Variants in KAZN observed in about 807,000 individuals in gnomAD.
KAZN encodes kazrin.
A neutral mutation model predicts 87.4 loss-of-function variants in KAZN; 40 were observed. The observed-to-expected ratio is 0.46, with a 90% CI of 0.36 to 0.60. KAZN has a LOEUF of 0.60. Ranked by LOEUF, KAZN falls within the 20% of genes least tolerant of loss-of-function variation. The pLI, the probability that KAZN is intolerant of heterozygous loss-of-function variation, is 0.00. For synonymous variants in KAZN, 466 were observed against 458.3 expected, an observed-to-expected ratio of 1.02 and a Z score of -0.22; for missense variants, 898 against 1,073.9, an observed-to-expected ratio of 0.84 and a Z score of 2.29.
At chr1:13,904,263 G>A (rs1201574132) in intron 1 of KAZN, among the ~76,000 whole-genome samples, 1 of 152,158 alleles carries the variant, frequency 6.6e-6, no homozygotes, top group African/African-American at 2.4e-5. Context: ...TCTAAGACAG[G>A]TGAAAAGGAA....
At chr1:14,492,667 T>TC (rs1669717658) in intron 2 of KAZN, among the ~76,000 whole-genome samples, 2 of 604 alleles carry the variant, frequency 3.3e-3, no homozygotes, top group Non-Finnish European at 6.3e-3. Flanking sequence ...ACACCACAAA[T>TC]ACACACTACA....
rs138898981 is a variant in KAZN at position 14,278,778 on chromosome 1, T to C, written c.249+98186T>C. On this transcript the variant is annotated intron_variant, in intron 2 of 16. Coordinates refer to the KAZN transcript ENST00000636203. ...TTATTGTATATTTGCCATTTATTTA[T>C]TGGAGAAACTGATTCATTTACGGTA... 4.4e-3 allele frequency among the ~76,000 whole-genome samples: 677 copies of C among 152,320 alleles called. 3 individuals are homozygous for C. The highest frequency in any genetic ancestry group is 0.015 in the African/African-American group (635 of 41,560).
intron 2 of KAZN, among the ~76,000 whole-genome samples, chr1:14,268,031 T>C (rs1651630518): frequency 6.6e-6 from 1 of 152,206 alleles, no homozygotes; most frequent in Non-Finnish European, 1.5e-5. Context: ...TTAAATTGAA[T>C]TGGCCAACAA....
At chr1:14,508,417 C>G (rs1006804897) in intron 2 of KAZN, among the ~76,000 whole-genome samples, 1 of 152,074 alleles carries the variant, frequency 6.6e-6, no homozygotes, top group Non-Finnish European at 1.5e-5. Flanking sequence ...TTATTAGGCT[C>G]GCAGATTCTA....
In KAZN at chr1:15,103,435, A is replaced by G; in HGVS notation, c.1856A>G (p.Lys619Arg). ...GTGTGGACCAACCAGCGGGTGCTCA[A>G]GTGGGTTCGAGACATCGACCTGAAG... Reference protein sequence around the residue: ...PVVWTNQRVLKWVRDIDLKEY... With the variant: ...PVVWTNQRVLRWVRDIDLKEY... Residue 619 changes from lysine to arginine, a missense_variant, in exon 12 of 15, where the codon AAG becomes AGG. Around this residue, in one of 3 missense-constraint regions of KAZN, gnomAD observed 521 missense variants for 689.4 expected, o/e 0.76. Transcript: ENST00000376030. 2 of 1,551,012 alleles carry G rather than the reference A, an allele frequency of 1.3e-6. No homozygotes were observed. The highest frequency in any genetic ancestry group is 1.7e-6 in the Non-Finnish European group (2 of 1,147,434).
intron 1 of KAZN, among the ~76,000 whole-genome samples, chr1:14,883,328 G>A (rs1406233241): frequency 7.7e-5 from 3 of 38,884 alleles, no homozygotes; most frequent in African/African-American, 2.1e-4. Context: ...AAGAGAGAGA[G>A]AGAGAGAGAG....
At chr1:14,945,023 A>C (rs919739943) in intron 1 of KAZN, among the ~76,000 whole-genome samples, 3 of 152,162 alleles carry the variant, frequency 2.0e-5, no homozygotes, top group Non-Finnish European at 4.4e-5. Context: ...AGGGGACAGC[A>C]CCAGGCTGCA....
At chr1:14,617,750 T>C (rs1678367228) in intron 1 of KAZN, among the ~76,000 whole-genome samples, 1 of 152,052 alleles carries the variant, frequency 6.6e-6, no homozygotes, top group Non-Finnish European at 1.5e-5. Flanking sequence ...TTCTTGGGAG[T>C]GACAACACGA....
At chr1:13,935,862 A>ATG (rs143281844) in intron 1 of KAZN, among the ~76,000 whole-genome samples, 17,522 of 124,090 alleles carry the variant, frequency 0.14, 1,253 homozygotes, top group Non-Finnish European at 0.19. Flanking sequence ...TTACATCCTA[A>ATG]TGTGTGTGTG....
At chr1:14,421,421 A>T (rs1388229638) in intron 2 of KAZN, among the ~76,000 whole-genome samples, 2 of 152,164 alleles carry the variant, frequency 1.3e-5, no homozygotes, top group Admixed American at 6.5e-5. Context: ...GGACACGAGG[A>T]AAGCCACATT....
At position 14,735,405 on chromosome 1, in the gene KAZN, A is replaced by T. The variant is rs1195777428; in HGVS notation, c.226+136182A>T. 6.6e-6 allele frequency among the ~76,000 whole-genome samples: 1 copy of T among 152,202 alleles called. No individual in the cohort carries two copies. Among genetic ancestry groups the T allele is most frequent in the African/African-American group, 2.4e-5 (1 of 41,458 alleles). On this transcript the variant is annotated intron_variant, in intron 1 of 14. Coordinates refer to ENST00000376030, the MANE Select transcript of KAZN (RefSeq NM_201628.3). The surrounding 1 kb of genome is among the most constrained non-coding windows in gnomAD (Gnocchi z 4.3). ...CACGTTTATTCTTGAAGGGAACACA[A>T]AAGAGGTATAGGATCTCCTTCTTCT...
At chr1:14,833,969 T>TCACACACACACA (rs56000715) in intron 1 of KAZN, among the ~76,000 whole-genome samples, 4 of 141,866 alleles carry the variant, frequency 2.8e-5, no homozygotes, top group Admixed American at 7.0e-5. Flanking sequence ...CCCAAGTCAT[T>TCACACACACACA]CACACACACA....
chr1:14,629,035 CG>C (rs1212457633), intron 1 of KAZN, among the ~76,000 whole-genome samples: 1 of 151,854 alleles, frequency 6.6e-6, no homozygotes, highest in Non-Finnish European at 1.5e-5. Flanking sequence ...TTACTGGAGA[CG>C]GGGTTTCACC....
intron 2 of KAZN, among the ~76,000 whole-genome samples, chr1:14,466,763 T>A (rs1668163244): frequency 6.6e-6 from 1 of 151,530 alleles, no homozygotes; most frequent in Non-Finnish European, 1.5e-5. Flanking sequence ...AGTCAGGAGA[T>A]GGAGACCATC....
chr1:14,959,721 T>G (rs534489520), intron 1 of KAZN, among the ~76,000 whole-genome samples: 1 of 152,344 alleles, frequency 6.6e-6, no homozygotes, highest in South Asian at 2.1e-4. Flanking sequence ...CTGGCGCCTG[T>G]GCACAGCCTG....
At chr1:14,022,474 C>G (rs569857617) in intron 1 of KAZN, among the ~76,000 whole-genome samples, 1 of 98,758 alleles carries the variant, frequency 1.0e-5, no homozygotes, top group Admixed American at 1.6e-4. Flanking sequence ...ATAGCTTTCA[C>G]GTATTTAAAG....
chr1:14,579,620 G>A (rs963204223), intron 2 of KAZN, among the ~76,000 whole-genome samples: 3 of 148,180 alleles, frequency 2.0e-5, no homozygotes, highest in Admixed American at 6.8e-5. Flanking sequence ...GCGAGACTCC[G>A]TCTCAAAAAA....
rs1031564441 is a variant in KAZN, at chr1:14,242,934, G to C, written c.249+62342G>C. ...ATAAGTGAAACAAAACGTAAGAACA[G>C]GTCATACAAGGATACGTTTGTATGC... On this transcript the variant is annotated intron_variant, in intron 2 of 16. Coordinates refer to the KAZN transcript ENST00000636203. Among the ~76,000 whole-genome samples the C allele has an allele frequency of 9.2e-5, 14 of 152,268 alleles. 1 individual carries two copies. The highest frequency in any genetic ancestry group is 4.1e-4 in the South Asian group (2 of 4,822).
At chr1:14,393,673 C>T (rs945705701) in intron 2 of KAZN, among the ~76,000 whole-genome samples, 6 of 151,620 alleles carry the variant, frequency 4.0e-5, no homozygotes, top group Admixed American at 2.6e-4. Flanking sequence ...TTAGAAGTAC[C>T]CCAGGATTAT....
Sources: gnomAD v4.1 joint callset for allele counts (sites outside exome capture counted in the v4.1 genomes callset) on GRCh38, gnomAD v4.1.1 for gene constraint, gnomAD v4.1.1 regional missense constraint, Gnocchi (gnomAD v3.1) non-coding constraint, MANE v1.5 for transcripts, NCBI Gene and HGNC (gene_info 2026-07-23, HGNC 2026-07-21) for gene names.